BNC2: variants seen among roughly 807,000 people sequenced by gnomAD.
The protein encoded by BNC2 is basonuclin zinc finger protein 2, also known as zinc finger protein basonuclin-2.
In BNC2, 20 loss-of-function variants were observed where a neutral mutation model predicts 76.3. The ratio of observed to expected loss-of-function variants is 0.26; its 90% CI spans 0.18 to 0.38. The LOEUF is 0.38. Ranked by LOEUF, BNC2 falls within the 10% of genes least tolerant of loss-of-function variation. The probability of loss-of-function intolerance (pLI) is 1.00; values close to 1 mark genes in which losing one functional copy is unlikely to be tolerated. For synonymous variants in BNC2, 582 were observed against 514.8 expected, an observed-to-expected ratio of 1.13 and a Z score of -1.77; for missense variants, 1,382 against 1,399.8, an observed-to-expected ratio of 0.99 and a Z score of 0.20.
At chr9:16,812,078 G>C (rs1419225896) in intron 1 of BNC2, among the ~76,000 whole-genome samples, 3 of 152,190 alleles carry the variant, frequency 2.0e-5, no homozygotes, top group Non-Finnish European at 4.4e-5. Flanking sequence ...GAATGAAGCA[G>C]GGACTGGCAG....
chr9:16,423,836 A>T (rs1321278902), intron 6 of BNC2, among the ~76,000 whole-genome samples: 1 of 152,104 alleles, frequency 6.6e-6, no homozygotes, highest in Non-Finnish European at 1.5e-5. Context: ...CTTCCTTTAA[A>T]CCTCTGTACT....
At chr9:16,680,989 T>A (rs2134291449) in intron 3 of BNC2, among the ~76,000 whole-genome samples, 1 of 152,266 alleles carries the variant, frequency 6.6e-6, no homozygotes, top group South Asian at 2.1e-4. Flanking sequence ...CTTTTTAAAT[T>A]CTAAATGACT....
intron 1 of BNC2, among the ~76,000 whole-genome samples, chr9:16,818,260 C>T (rs1031895796): frequency 7.2e-5 from 11 of 152,042 alleles, no homozygotes; most frequent in Non-Finnish European, 1.2e-4. Context: ...AAAAATTAGC[C>T]GGGCGAGTTG....
chr9:16,609,822 C>T (rs1277985170), intron 3 of BNC2, among the ~76,000 whole-genome samples: 1 of 152,114 alleles, frequency 6.6e-6, no homozygotes, highest in Non-Finnish European at 1.5e-5. Flanking sequence ...TCTTGAATCC[C>T]TTACCTGCCC....
chr9:16,696,505 T>A (rs1022506930), intron 3 of BNC2, among the ~76,000 whole-genome samples: 1 of 152,134 alleles, frequency 6.6e-6, no homozygotes, highest in Non-Finnish European at 1.5e-5. Context: ...ATGAAAGGGA[T>A]CTCATCGTCC....
At chr9:16,520,054 C>T (rs949948897) in intron 5 of BNC2, among the ~76,000 whole-genome samples, 10 of 152,210 alleles carry the variant, frequency 6.6e-5, no homozygotes, top group African/African-American at 2.2e-4. Flanking sequence ...GATACCGACA[C>T]ATTTTGGCTA....
chr9:16,532,497 A>G (rs113993511), intron 5 of BNC2, among the ~76,000 whole-genome samples: 106 of 152,260 alleles, frequency 7.0e-4, no homozygotes, highest in African/African-American at 2.5e-3. Flanking sequence ...CTTCCTATTC[A>G]CCAGAAATGG....
chr9:16,544,413 C>T (rs894788032), intron 5 of BNC2, among the ~76,000 whole-genome samples: 1 of 151,980 alleles, frequency 6.6e-6, no homozygotes, highest in Admixed American at 6.6e-5. Context: ...ATCATTTAAA[C>T]AAATATATCA....
At chr9:16,822,771 T>C (rs1057464241) in intron 1 of BNC2, among the ~76,000 whole-genome samples, 1 of 152,218 alleles carries the variant, frequency 6.6e-6, no homozygotes, top group Non-Finnish European at 1.5e-5. Context: ...GCTGAAACTA[T>C]TGTAGTTCAG....
At chr9:16,516,619 C>A (rs998259675) in intron 5 of BNC2, among the ~76,000 whole-genome samples, 1 of 152,132 alleles carries the variant, frequency 6.6e-6, no homozygotes, top group Non-Finnish European at 1.5e-5. Context: ...AATATACAAA[C>A]AAGCACACAA....
chr9:16,817,840 C>T (rs1818221512), intron 1 of BNC2, among the ~76,000 whole-genome samples: 1 of 151,992 alleles, frequency 6.6e-6, no homozygotes, highest in Admixed American at 6.6e-5. Context: ...TAATGTCTGC[C>T]GTCTTGAAAT....
intron 1 of BNC2, among the ~76,000 whole-genome samples, chr9:16,781,290 T>C (rs1826147576): frequency 7.7e-6 from 1 of 130,464 alleles, no homozygotes; most frequent in South Asian, 2.5e-4. Flanking sequence ...AGACAATGCA[T>C]ACCTACAAAA....
intron 1 of BNC2, among the ~76,000 whole-genome samples, chr9:16,869,317 T>C (rs959092460): frequency 1.2e-4 from 18 of 152,180 alleles, no homozygotes; most frequent in African/African-American, 4.3e-4. Context: ...AGCTTGACTC[T>C]AGGGTAAATG....
chr9:16,435,531 A>C, intron 6 of BNC2, 24 bp downstream of exon 6: 9 of 1,612,650 alleles, frequency 5.6e-6, no homozygotes, highest in Non-Finnish European at 7.6e-6. Flanking sequence ...CCCCAGCAGG[A>C]GCAGCCAATG....
intron 5 of BNC2, among the ~76,000 whole-genome samples, chr9:16,527,869 G>A (rs1817859712): frequency 1.3e-5 from 2 of 152,194 alleles, no homozygotes; most frequent in South Asian, 2.1e-4. Context: ...ATGCTGCAAC[G>A]CTGCCTCACC....
At chr9:16,517,375 C>CA (rs1435294125) in intron 5 of BNC2, among the ~76,000 whole-genome samples, 1 of 152,166 alleles carries the variant, frequency 6.6e-6, no homozygotes, top group Non-Finnish European at 1.5e-5. Context: ...GAAATACTGG[C>CA]ATTCACTGCA....
At chr9:16,808,294 C>T (rs1434084932) in intron 1 of BNC2, among the ~76,000 whole-genome samples, 1 of 151,916 alleles carries the variant, frequency 6.6e-6, no homozygotes, top group Non-Finnish European at 1.5e-5. Flanking sequence ...ATTATTCTCT[C>T]GGTTTATTTC....
chr9:16,823,594 T>A (rs1261609088), intron 1 of BNC2, among the ~76,000 whole-genome samples: 6 of 150,442 alleles, frequency 4.0e-5, no homozygotes, highest in Admixed American at 4.0e-4. Context: ...CAGAGTGAGA[T>A]CCTGTTTCAA....
At chr9:16,810,613 T>C in intron 1 of BNC2, among the ~76,000 whole-genome samples, 1 of 152,162 alleles carries the variant, frequency 6.6e-6, no homozygotes, top group Admixed American at 6.5e-5. Context: ...GTCACAGGCA[T>C]TGGTGGATGG....
Sources: gnomAD v4.1 joint callset for allele counts (sites outside exome capture counted in the v4.1 genomes callset) on GRCh38, gnomAD v4.1.1 for gene constraint, MANE v1.5 for transcripts, NCBI Gene and HGNC (gene_info 2026-07-23, HGNC 2026-07-21) for gene names.